The following NUP210L variants were observed in gnomAD, a reference collection of about 807,000 sequenced individuals.
NUP210L encodes the protein nucleoporin 210 like.
NUP210L carries 74 observed loss-of-function variants against 208.5 expected under a neutral mutation model. That is an observed-to-expected ratio of 0.35 (90% CI 0.29 to 0.43). The LOEUF (loss-of-function observed/expected upper bound fraction) is 0.43, where lower values mean the gene tolerates loss of function less well. Among genes scored for constraint, NUP210L ranks in the 20% least tolerant of loss-of-function variants. The pLI, the probability that NUP210L is intolerant of heterozygous loss-of-function variation, is 1.00. For missense variants in NUP210L, 1,843 were observed against 2,289.4 expected (o/e 0.81, Z 3.98); for synonymous variants, 780 against 816.9 (o/e 0.95, Z 0.77).
At chr1:154,142,131 T>C (rs1413077543) in intron 3 of NUP210L, among the ~76,000 whole-genome samples, 3 of 149,996 alleles carry the variant, frequency 2.0e-5, no homozygotes, top group Admixed American at 6.7e-5. Context: ...CACTCCAGCC[T>C]GAGTGACAGA....
intron 12 of NUP210L, 26 bp downstream of exon 12, chr1:154,117,699 A>G: frequency 6.3e-7 from 1 of 1,590,646 alleles, no homozygotes; most frequent in South Asian, 1.1e-5. Flanking sequence ...TGTAGGGGTA[A>G]TAAGAATATC....
At chr1:154,042,159 G>A (rs769107710) in intron 27 of NUP210L, among the ~76,000 whole-genome samples, 1 of 151,608 alleles carries the variant, frequency 6.6e-6, no homozygotes, top group East Asian at 1.9e-4. Flanking sequence ...GAGTGGAGTG[G>A]TGCGATCACA....
At chr1:154,062,890 T>C (rs1272911612) in intron 17 of NUP210L, among the ~76,000 whole-genome samples, 1 of 152,140 alleles carries the variant, frequency 6.6e-6, no homozygotes, top group East Asian at 1.9e-4. Context: ...TTTTTTTCTT[T>C]TTTTAATTTA....
chr1:154,086,327 A>G (rs1397693339), intron 16 of NUP210L, among the ~76,000 whole-genome samples: 1 of 152,184 alleles, frequency 6.6e-6, no homozygotes, highest in South Asian at 2.1e-4. Context: ...TGGATCAGAG[A>G]GCTAAATGTA....
chr1:154,096,855 C>T (rs1297512021), intron 14 of NUP210L, among the ~76,000 whole-genome samples: 3 of 150,994 alleles, frequency 2.0e-5, no homozygotes, highest in Admixed American at 6.6e-5. Flanking sequence ...CCAAGGCAGG[C>T]GGATCCCTTG....
intron 27 of NUP210L, 34 bp from the exon 28 acceptor site, chr1:154,030,088 AT>A (rs767775139): frequency 9.2e-6 from 13 of 1,413,794 alleles, no homozygotes; most frequent in Non-Finnish European, 1.2e-5. Flanking sequence ...AGAAATATTC[AT>A]CAATAAACAT....
intron 7 of NUP210L, among the ~76,000 whole-genome samples, chr1:154,133,963 A>C (rs779432417): frequency 3.3e-5 from 5 of 152,012 alleles, no homozygotes; most frequent in Admixed American, 6.6e-5. Context: ...CAGCCTGGCC[A>C]ACATGGTGAA....
rs200478782 is a variant in NUP210L, at chr1:154,135,983, T to G, written c.851-11A>C. On this transcript the variant is annotated splice_polypyrimidine_tract_variant and intron_variant, in intron 6 of 39. Coordinates refer to ENST00000368559, the Ensembl canonical transcript of NUP210L. The stretch of plus-strand genomic sequence containing the variant: ...GGGGAAATTTCACCTCTGTAAGACA[T>G]GAAAGATACATAAATGTAATGACAG... The G allele has an allele frequency of 1.9e-6, 3 of 1,575,598 alleles. No individual in the cohort carries two copies. The highest frequency in any genetic ancestry group is 2.6e-6 in the Non-Finnish European group (3 of 1,145,198).
intron 18 of NUP210L, 137 bp from the exon 19 acceptor site, chr1:154,061,183 G>A (rs1369101027): frequency 3.5e-6 from 2 of 579,312 alleles, no homozygotes; most frequent in Non-Finnish European, 6.1e-6. Context: ...TTTGAGACCA[G>A]CTTGGCTAAC....
intron 33 of NUP210L, among the ~76,000 whole-genome samples, chr1:154,015,959 TA>T (rs531464860): frequency 1.0e-4 from 15 of 145,880 alleles, no homozygotes; most frequent in African/African-American, 2.8e-4. Flanking sequence ...TAAATAAAAA[TA>T]AAAAAAATAG....
At chr1:154,113,213 A>T (rs1028180029) in intron 12 of NUP210L, among the ~76,000 whole-genome samples, 38 of 148,518 alleles carry the variant, frequency 2.6e-4, no homozygotes, top group Non-Finnish European at 1.6e-4. Flanking sequence ...AAAAAGAAGA[A>T]ATCATTCCTT....
intron 37 of NUP210L, among the ~76,000 whole-genome samples, chr1:153,997,459 T>A (rs963731895): frequency 6.9e-6 from 1 of 145,792 alleles, no homozygotes; most frequent in African/African-American, 2.5e-5. Flanking sequence ...GTTTTTCTTT[T>A]CTTTTCTGTT....
intron 12 of NUP210L, among the ~76,000 whole-genome samples, chr1:154,116,896 A>G (rs770464147): frequency 1.6e-4 from 24 of 152,192 alleles, no homozygotes; most frequent in Admixed American, 3.3e-4. Flanking sequence ...AAAAAAGTTA[A>G]CGTTAATTAA....
intron 27 of NUP210L, among the ~76,000 whole-genome samples, chr1:154,042,110 T>C (rs1434081507): frequency 6.6e-6 from 1 of 152,074 alleles, no homozygotes; most frequent in Non-Finnish European, 1.5e-5. Context: ...CTCTCTTTTT[T>C]TTTTTCTGAG....
intron 29 of NUP210L, among the ~76,000 whole-genome samples, chr1:154,027,299 G>C (rs560916058): frequency 6.6e-6 from 1 of 152,180 alleles, no homozygotes; most frequent in East Asian, 1.9e-4. Context: ...ACTAGATAGA[G>C]ATGCTGAATA....
chr1:154,071,192 G>C (rs2148013195), intron 16 of NUP210L, among the ~76,000 whole-genome samples: 1 of 151,682 alleles, frequency 6.6e-6, no homozygotes, highest in South Asian at 2.1e-4. Flanking sequence ...AACCTTCCAG[G>C]CTCAAGCCAT....
intron 13 of NUP210L, among the ~76,000 whole-genome samples, chr1:154,102,436 T>G (rs988023226): frequency 1.3e-5 from 2 of 152,056 alleles, no homozygotes; most frequent in African/African-American, 2.4e-5. Flanking sequence ...TTTGTTGTCC[T>G]ACATGGGAAA....
At chr1:154,010,668 C>T (rs943333979) in intron 34 of NUP210L, among the ~76,000 whole-genome samples, 16 of 151,926 alleles carry the variant, frequency 1.1e-4, no homozygotes, top group African/African-American at 3.6e-4. Context: ...GTTGGGAGTT[C>T]GAGACCAGCC....
intron 27 of NUP210L, among the ~76,000 whole-genome samples, chr1:154,030,565 T>A (rs1652157267): frequency 6.6e-6 from 1 of 151,688 alleles, no homozygotes; most frequent in South Asian, 2.1e-4. Flanking sequence ...CTCAAAGTGC[T>A]GGGATTACAG....
Sources: gnomAD v4.1 joint callset for allele counts (sites outside exome capture counted in the v4.1 genomes callset) on GRCh38, gnomAD v4.1.1 for gene constraint, MANE v1.5 for transcripts, NCBI Gene and HGNC (gene_info 2026-07-23, HGNC 2026-07-21) for gene names.